Variants in HIP1R observed in about 807,000 individuals in gnomAD.
HIP1R encodes huntingtin-interacting protein 1-related protein.
A neutral mutation model predicts 144.2 loss-of-function variants in HIP1R; 135 were observed. The ratio of observed to expected loss-of-function variants is 0.94; its 90% CI spans 0.81 to 1.08. The LOEUF is 1.08. Ranked by LOEUF, HIP1R falls within the 50% of genes least tolerant of loss-of-function variation. The pLI is 0.00. For synonymous variants in HIP1R, 698 were observed against 612.8 expected, an observed-to-expected ratio of 1.14 and a Z score of -2.05; for missense variants, 1,462 against 1,432.8, an observed-to-expected ratio of 1.02 and a Z score of -0.33.
rs985470681 is a variant in HIP1R, at chr12:122,836,735, T to C, written c.93+1092T>C. Among the ~76,000 whole-genome samples the C allele has an allele frequency of 3.3e-5, 5 of 152,356 alleles. No individual in the cohort carries two copies. The South Asian group carries it at 6.2e-4, about 19-fold the overall frequency. ...CTATTTGCAAGTTCCGTCCCACTTG[T>C]CCTTGCAGAGAGCTATGACTTCTGC... On this transcript the variant is annotated intron_variant, in intron 1 of 31. Coordinates refer to ENST00000253083, the MANE Select transcript of HIP1R (RefSeq NM_003959.3). The surrounding 1 kb of genome is among the most constrained non-coding windows in gnomAD (Gnocchi z 4.1).
upstream of HIP1R, chr12:122,834,947 C>A: frequency 1.1e-5 from 14 of 1,289,312 alleles, no homozygotes; most frequent in Non-Finnish European, 1.4e-5. Context: ...ACCGACCAGA[C>A]TCATGGAGGC....
intron 6 of HIP1R, 39 bp downstream of exon 6, chr12:122,850,950 GGC>G: frequency 6.4e-7 from 1 of 1,564,884 alleles, no homozygotes; most frequent in Non-Finnish European, 8.8e-7. Flanking sequence ...AGTTCCCCTC[GGC>G]TTCCCCATTC....
intron 1 of HIP1R, among the ~76,000 whole-genome samples, chr12:122,847,308 G>T (rs886079522): frequency 3.3e-5 from 5 of 152,186 alleles, no homozygotes; most frequent in African/African-American, 7.2e-5. Flanking sequence ...CGGGGCGGGG[G>T]GGGAGGGGTG....
chr12:122,856,897 C>T, intron 17 of HIP1R, 124 bp from the exon 18 acceptor site: 1 of 1,097,884 alleles, frequency 9.1e-7, no homozygotes, highest in Non-Finnish European at 1.3e-6. Flanking sequence ...CGCTGGTCCT[C>T]AGGGAGCCCT....
Position 122,857,075 on chromosome 12 carries a change from C to G in HIP1R, c.1675C>G (p.Leu559Val). ...CACGCTGAGTGCGGAGAAGGATGCT[C>G]TGAGTGGAGCTGTGCGGCAGCGGGA... ...LDTLSAEKDA[L>V]SGAVRQREAD... Residue 559 changes from leucine (L) to valine (V), a missense_variant, in exon 18 of 32, where the codon CTG becomes GTG. Transcript: ENST00000253083. 2 of 1,551,570 alleles carry G rather than the reference C, an allele frequency of 1.3e-6. No homozygotes were observed. The highest frequency in any genetic ancestry group is 1.7e-6 in the Non-Finnish European group (2 of 1,147,678).
intron 5 of HIP1R, chr12:122,850,203 G>C: frequency 1.6e-6 from 1 of 639,866 alleles, no homozygotes; most frequent in South Asian, 1.5e-5. Flanking sequence ...GGACATGAGC[G>C]CTGGGCTTCC....
Position 122,841,590 on chromosome 12 carries a change from G to C in HIP1R, c.93+5947G>C, listed in dbSNP as rs565731704. On this transcript the variant is annotated intron_variant, in intron 1 of 31. Transcript: ENST00000253083. ...CTGGAGAAAAGTTTATTTGGGGCGA[G>C]ATTGTTTTTTCTCTGGCTAAAATAA... is the stretch of plus-strand genomic sequence containing the variant. 2.0e-5 allele frequency among the ~76,000 whole-genome samples: 3 copies of C among 152,236 alleles called. No homozygotes were observed. In the East Asian group the frequency reaches 5.8e-4, roughly 29 times the overall value.
rs746799828 is a variant in HIP1R, at chr12:122,855,135, C to G, written c.852+7C>G. 1.2e-6 allele frequency: 2 copies of G among 1,613,236 alleles called. No individual in the cohort carries two copies. Among genetic ancestry groups the G allele is most frequent in the African/African-American group, 2.7e-5 (2 of 74,922 alleles). ...GATCCCCCGGCTGCCCGAGGTACCA[C>G]CCCCAAGAGGGCCCCGAGGCCCTTT... On this transcript the variant is annotated splice_region_variant and intron_variant, in intron 10 of 31. Coordinates refer to ENST00000253083, the MANE Select transcript of HIP1R (RefSeq NM_003959.3).
At chr12:122,839,198 T>TAGGA (rs1341916864) in intron 1 of HIP1R, among the ~76,000 whole-genome samples, 13 of 150,786 alleles carry the variant, frequency 8.6e-5, no homozygotes, top group African/African-American at 2.5e-5. Context: ...AGGACTCAGT[T>TAGGA]AGGAGTACTG....
intron 1 of HIP1R, among the ~76,000 whole-genome samples, chr12:122,838,188 G>A (rs2032960500): frequency 1.3e-5 from 2 of 152,138 alleles, no homozygotes; most frequent in South Asian, 2.1e-4. Flanking sequence ...GCTCAGGAGT[G>A]TGAAGAGAGG....
At chr12:122,844,645 T>C (rs919220065) in intron 1 of HIP1R, among the ~76,000 whole-genome samples, 1 of 152,246 alleles carries the variant, frequency 6.6e-6, no homozygotes, top group Admixed American at 6.5e-5. Flanking sequence ...CCCCTGCCTC[T>C]TGGGAGCTGG....
chr12:122,853,735 G>T, intron 7 of HIP1R: 2 of 303,632 alleles, frequency 6.6e-6, no homozygotes, highest in Non-Finnish European at 6.0e-6. Context: ...CGTGGGCATG[G>T]AGCTATCCGT....
chr12:122,851,095 C>T, intron 6 of HIP1R, 141 bp from the exon 7 acceptor site: 1 of 870,420 alleles, frequency 1.1e-6, no homozygotes, highest in Non-Finnish European at 1.8e-6. Flanking sequence ...ACTTGAAGGA[C>T]TGTCGTCCTG....
chr12:122,861,684 C>T, intron 31 of HIP1R, 22 bp from the exon 32 acceptor site: 1 of 1,613,752 alleles, frequency 6.2e-7, no homozygotes, highest in Non-Finnish European at 8.5e-7. Flanking sequence ...GACCACTGAC[C>T]CCCCACCTTT....
At chr12:122,861,585 T>G in intron 31 of HIP1R, 71 bp downstream of exon 31, 1 of 1,568,028 alleles carries the variant, frequency 6.4e-7, no homozygotes, top group Non-Finnish European at 8.7e-7. Flanking sequence ...GGGCACATGG[T>G]GCACGTCCCT....
In HIP1R at chr12:122,860,955, C is replaced by T; in HGVS notation, c.2806C>T (p.Gln936Ter). 6.2e-7 allele frequency: 1 copy of T among 1,613,450 alleles called. No individual in the cohort carries two copies. The highest frequency in any genetic ancestry group is 1.3e-5 in the African/African-American group (1 of 75,028). ...NKHSPHLSRLQECSRTVNERA... is the reference protein window; with the variant it reads ...NKHSPHLSRL The stretch of plus-strand genomic sequence containing the variant: ...GCACAGCCCCCACCTGAGCCGCCTG[C>T]AGGAATGTTCTCGCACAGTCAATGA... Residue 936 changes from glutamine to a stop codon, truncating the protein, a stop_gained, in exon 29 of 32, where the codon CAG becomes TAG. Coordinates refer to ENST00000253083, the MANE Select transcript of HIP1R (RefSeq NM_003959.3). LOFTEE classifies it high-confidence loss of function.
chr12:122,852,528 G>A (rs770899916), intron 7 of HIP1R, among the ~76,000 whole-genome samples: 6 of 152,194 alleles, frequency 3.9e-5, no homozygotes, highest in South Asian at 2.1e-4. Flanking sequence ...TCACAGGCAC[G>A]CTTCCCACCT....
chr12:122,841,450 C>A (rs531894062), intron 1 of HIP1R, among the ~76,000 whole-genome samples: 13 of 152,312 alleles, frequency 8.5e-5, no homozygotes, highest in South Asian at 4.2e-4. Flanking sequence ...AGGGCCGCGT[C>A]GTAAGTGGCT....
chr12:122,837,053 A>G (rs2032918881), intron 1 of HIP1R, among the ~76,000 whole-genome samples: 2 of 152,248 alleles, frequency 1.3e-5, no homozygotes, highest in Non-Finnish European at 1.5e-5. Flanking sequence ...AAGAACTTGT[A>G]GATCATAGGG....
Sources: allele counts gnomAD v4.1 joint callset (sites outside exome capture counted in the v4.1 genomes callset), GRCh38; gene constraint gnomAD v4.1.1; non-coding constraint Gnocchi (gnomAD v3.1); transcripts MANE v1.5; gene names NCBI Gene and HGNC (gene_info 2026-07-23, HGNC 2026-07-21).